Variants in SUFU observed in about 807,000 individuals in gnomAD.
The protein encoded by SUFU is suppressor of fused homolog.
A neutral mutation model predicts 58.9 loss-of-function variants in SUFU; 7 were observed. That is an observed-to-expected ratio of 0.12 (90% CI 0.07 to 0.22). SUFU has a LOEUF of 0.22. SUFU is among the 10% of genes least tolerant of loss of function. The probability of loss-of-function intolerance (pLI) is 1.00; values close to 1 mark genes in which losing one functional copy is unlikely to be tolerated. For missense variants in SUFU, 451 were observed against 641.3 expected, an observed-to-expected ratio of 0.70 and a Z score of 3.20; for synonymous variants, 232 against 254.8, an observed-to-expected ratio of 0.91 and a Z score of 0.85.
At chr10:102,586,888 C>T (rs1215703591) in intron 3 of SUFU, among the ~76,000 whole-genome samples, 7 of 152,200 alleles carry the variant, frequency 4.6e-5, no homozygotes, top group Admixed American at 3.9e-4. Flanking sequence ...CTCTGACAAC[C>T]ACCATTCTAT....
At chr10:102,545,611 A>C (rs1590015164) in intron 2 of SUFU, among the ~76,000 whole-genome samples, 1 of 152,052 alleles carries the variant, frequency 6.6e-6, no homozygotes, top group Non-Finnish European at 1.5e-5. Context: ...AACACTTACT[A>C]TCTCTTAGTT....
At chr10:102,602,674 AT>A (rs1315390487) in intron 8 of SUFU, among the ~76,000 whole-genome samples, 1 of 152,108 alleles carries the variant, frequency 6.6e-6, no homozygotes, top group Admixed American at 6.5e-5. Flanking sequence ...GGGCTAGGGG[AT>A]TTCTTTCCAT....
rs1183960720 is a variant in SUFU, at chr10:102,619,027, A to G, written c.1296+1599A>G. On this transcript the variant is annotated intron_variant, in intron 10 of 11. Transcript: ENST00000369902. The surrounding 1 kb of genome is among the most constrained non-coding windows in gnomAD (Gnocchi z 4.2). Reference sequence around the variant, plus strand: ...GGACAGTCGGGACTGGGGCCTCCCCAAACTGCAGAATCTACCCAGTTATGT... The same window carrying G: ...GGACAGTCGGGACTGGGGCCTCCCCGAACTGCAGAATCTACCCAGTTATGT... The G allele has an allele frequency of 6.2e-7, 1 of 1,610,140 alleles. No individual in the cohort carries two copies. Among genetic ancestry groups the G allele is most frequent in the Admixed American group, 1.7e-5 (1 of 59,746 alleles).
chr10:102,552,471 T>A (rs538667423), intron 3 of SUFU, among the ~76,000 whole-genome samples: 4 of 151,862 alleles, frequency 2.6e-5, no homozygotes, highest in Admixed American at 1.3e-4. Flanking sequence ...ACCCCAGTGC[T>A]ATGAAAGACA....
At chr10:102,571,943 C>T (rs540270949) in intron 3 of SUFU, among the ~76,000 whole-genome samples, 4 of 152,282 alleles carry the variant, frequency 2.6e-5, no homozygotes, top group South Asian at 4.1e-4. Flanking sequence ...CCTTTCCTTG[C>T]AACTTTAGGA....
At chr10:102,615,535 T>C in intron 9 of SUFU, 133 bp downstream of exon 9, 1 of 1,359,790 alleles carries the variant, frequency 7.4e-7, no homozygotes, top group South Asian at 1.2e-5. Context: ...ACCAGGCCCG[T>C]GCTTCCCGTC....
chr10:102,565,171 G>A (rs1564683172), intron 3 of SUFU, among the ~76,000 whole-genome samples: 1 of 152,346 alleles, frequency 6.6e-6, no homozygotes, highest in South Asian at 2.1e-4. Context: ...CAGCAGTGGA[G>A]TTGACTAGTT....
intron 8 of SUFU, among the ~76,000 whole-genome samples, chr10:102,607,335 C>T (rs7904955): frequency 0.29 from 43,645 of 152,022 alleles, 6,713 homozygotes; most frequent in Admixed American, 0.35. Context: ...GGGCATGAGC[C>T]GCCACGCCCA....
chr10:102,571,238 T>C (rs2135802490), intron 3 of SUFU, among the ~76,000 whole-genome samples: 1 of 152,352 alleles, frequency 6.6e-6, no homozygotes, highest in East Asian at 1.9e-4. Flanking sequence ...TAGTCAGTAC[T>C]AATAAGTAAC....
chr10:102,503,683 C>T (rs2062278595), upstream of SUFU, among the ~76,000 whole-genome samples: 1 of 152,210 alleles, frequency 6.6e-6, no homozygotes, highest in African/African-American at 2.4e-5. Flanking sequence ...GTTAGCAGCG[C>T]GTCAGCAAAA....
chr10:102,596,019 C>T (rs2063458310), intron 6 of SUFU, among the ~76,000 whole-genome samples: 2 of 152,134 alleles, frequency 1.3e-5, no homozygotes, highest in Non-Finnish European at 2.9e-5. Context: ...TATACATGCT[C>T]CCTGCCCAGA....
chr10:102,572,964 C>T (rs373807935), intron 3 of SUFU: 44 of 1,302,964 alleles, frequency 3.4e-5, no homozygotes, highest in East Asian at 2.5e-4. Flanking sequence ...CTTCTATCTT[C>T]TTCATGGCAG....
intron 8 of SUFU, among the ~76,000 whole-genome samples, chr10:102,613,044 C>T (rs2063642629): frequency 6.6e-6 from 1 of 152,184 alleles, no homozygotes; most frequent in Admixed American, 6.5e-5. Flanking sequence ...CTGCTGCCTC[C>T]CTCAGAAGGA....
At chr10:102,590,652 A>G (rs2063390078) in intron 3 of SUFU, among the ~76,000 whole-genome samples, 1 of 152,014 alleles carries the variant, frequency 6.6e-6, no homozygotes, top group Non-Finnish European at 1.5e-5. Flanking sequence ...TTTTTGGAAG[A>G]GTTTGCGAAA....
chr10:102,563,328 G>GATAAC (rs2063057670), intron 3 of SUFU, among the ~76,000 whole-genome samples: 1 of 152,092 alleles, frequency 6.6e-6, no homozygotes, highest in South Asian at 2.1e-4. Context: ...GATTCCATAA[G>GATAAC]ATCACTAAAA....
intron 1 of SUFU, among the ~76,000 whole-genome samples, chr10:102,507,961 AT>A (rs3061832): frequency 0.077 from 9,023 of 116,512 alleles, 563 homozygotes; most frequent in African/African-American, 0.2. Context: ...TTTCTTATCC[AT>A]TTTTTTTTTT....
intron 2 of SUFU, among the ~76,000 whole-genome samples, chr10:102,512,857 A>G (rs1314870725): frequency 2.6e-5 from 4 of 152,092 alleles, no homozygotes; most frequent in Non-Finnish European, 5.9e-5. Context: ...TGAGCCCAGG[A>G]GTTTGACACC....
intron 2 of SUFU, among the ~76,000 whole-genome samples, chr10:102,522,377 T>C (rs1035576876): frequency 6.6e-6 from 1 of 152,186 alleles, no homozygotes; most frequent in Non-Finnish European, 1.5e-5. Context: ...ATTGTTATTT[T>C]CCCCTTAGAA....
chr10:102,546,828 C>T (rs1027727884), intron 2 of SUFU, among the ~76,000 whole-genome samples: 2 of 152,228 alleles, frequency 1.3e-5, no homozygotes, highest in African/African-American at 4.8e-5. Context: ...ACCATCTGGC[C>T]GGGCCTGTCC....
Sources: allele counts gnomAD v4.1 joint callset (sites outside exome capture counted in the v4.1 genomes callset), GRCh38; gene constraint gnomAD v4.1.1; non-coding constraint Gnocchi (gnomAD v3.1); transcripts MANE v1.5; gene names NCBI Gene and HGNC (gene_info 2026-07-23, HGNC 2026-07-21).